PPP6C: variants seen among roughly 807,000 people sequenced by gnomAD.
PPP6C encodes protein phosphatase 6 catalytic subunit, also known as serine/threonine-protein phosphatase 6 catalytic subunit.
PPP6C carries 11 observed loss-of-function variants against 39.8 expected under a neutral mutation model. The ratio of observed to expected loss-of-function variants is 0.28; its 90% CI spans 0.17 to 0.46. PPP6C has a LOEUF of 0.46. PPP6C is among the 20% of genes least tolerant of loss of function. The pLI, the probability that PPP6C is intolerant of heterozygous loss-of-function variation, is 1.00. For synonymous variants in PPP6C, 129 were observed against 130.3 expected, an observed-to-expected ratio of 0.99 and a Z score of 0.07; for missense variants, 211 against 373.9, an observed-to-expected ratio of 0.56 and a Z score of 3.59.
intron 2 of PPP6C, among the ~76,000 whole-genome samples, chr9:125,168,604 G>A (rs1416466219): frequency 4.7e-5 from 7 of 150,204 alleles, no homozygotes; most frequent in Non-Finnish European, 7.4e-5. Flanking sequence ...GATTACAGGC[G>A]CCTGTCACCA....
chr9:125,167,397 AAAGAAAT>A (rs1407224989), intron 2 of PPP6C, among the ~76,000 whole-genome samples: 38 of 129,506 alleles, frequency 2.9e-4, no homozygotes, highest in African/African-American at 4.7e-4. Flanking sequence ...AAAAAAAAAA[AAAGAAAT>A]AAAAAAAAGG....
chr9:125,172,037 G>C (rs1422826345), intron 1 of PPP6C: 1 of 450,860 alleles, frequency 2.2e-6, no homozygotes, highest in Non-Finnish European at 4.5e-6. Context: ...ATGAGTGAAT[G>C]GTTAAACACA....
At chr9:125,152,034 A>G (rs1319479012) in intron 6 of PPP6C, among the ~76,000 whole-genome samples, 1 of 152,088 alleles carries the variant, frequency 6.6e-6, no homozygotes, top group African/African-American at 2.4e-5. Context: ...AGCCCTGGGC[A>G]ACCCCAAACC....
chr9:125,166,535 CT>C lies in PPP6C; in HGVS notation c.171+4549del, dbSNP rs1169190980. Among the ~76,000 whole-genome samples, 582 of 134,400 alleles carry C rather than the reference CT, an allele frequency of 4.3e-3. 4 individuals carry two copies. Among genetic ancestry groups the C allele is most frequent in the African/African-American group, 0.011 (385 of 36,040 alleles). The allele number at this position is 134,400 out of a possible 152,430, so 88.2% of individuals were successfully genotyped here. On this transcript the variant is annotated intron_variant, in intron 2 of 6. Transcript: ENST00000373547. ...GAATTTCACAAGTATTTTTCTTTTT[CT>C]TTTTTTTTTTTTTTTTAGCAGAGTC...
intron 1 of PPP6C, among the ~76,000 whole-genome samples, chr9:125,176,664 C>G (rs1829304246): frequency 6.6e-6 from 1 of 151,926 alleles, no homozygotes; most frequent in African/African-American, 2.4e-5. Flanking sequence ...CTCAAAATAA[C>G]AAGAAAAGAG....
At chr9:125,165,467 T>C (rs1828991421) in intron 2 of PPP6C, among the ~76,000 whole-genome samples, 1 of 152,170 alleles carries the variant, frequency 6.6e-6, no homozygotes. Flanking sequence ...AAATTAACTT[T>C]TCCAAAACAA....
chr9:125,170,637 T>C lies in PPP6C; in HGVS notation c.171+448A>G, dbSNP rs79626063. On this transcript the variant is annotated intron_variant, in intron 2 of 6. Coordinates refer to ENST00000373547, the MANE Select transcript of PPP6C (RefSeq NM_002721.5). ...TTGCTGTGACATCATGGACCAACAATTTTATTTTTCTGTACCTTTGCTATT... is the reference window on the plus strand; with the variant it reads ...TTGCTGTGACATCATGGACCAACAACTTTATTTTTCTGTACCTTTGCTATT... Among the ~76,000 whole-genome samples the C allele has an allele frequency of 0.018, 2,805 of 152,268 alleles. 161 individuals are homozygous for C. In the East Asian group the frequency reaches 0.23, roughly 12 times the overall value.
At chr9:125,187,684 A>C (rs2131347692) in intron 1 of PPP6C, among the ~76,000 whole-genome samples, 1 of 152,106 alleles carries the variant, frequency 6.6e-6, no homozygotes, top group African/African-American at 2.4e-5. Flanking sequence ...ACTGACATGC[A>C]ATAGTCAACC....
At chr9:125,151,027 C>T (rs1013063247) in intron 6 of PPP6C, 1 of 1,371,640 alleles carries the variant, frequency 7.3e-7, no homozygotes, top group African/African-American at 1.4e-5. Flanking sequence ...CACCATGGAC[C>T]TACATGCTTC....
chr9:125,150,519 C>T (rs9644948), intron 6 of PPP6C: 7,588 of 445,914 alleles, frequency 0.017, 390 homozygotes, highest in Admixed American at 0.11. Context: ...GTTCAAAGTA[C>T]TGCCTATCTT....
intron 3 of PPP6C, among the ~76,000 whole-genome samples, chr9:125,159,036 G>GTAT (rs1828782888): frequency 8.5e-6 from 1 of 117,984 alleles, no homozygotes; most frequent in African/African-American, 3.1e-5. Flanking sequence ...TATTTTTTAA[G>GTAT]TTTTTTTTTT....
intron 1 of PPP6C, among the ~76,000 whole-genome samples, chr9:125,182,615 G>A (rs535938561): frequency 9.2e-5 from 14 of 151,776 alleles, no homozygotes; most frequent in African/African-American, 1.7e-4. Context: ...ATATTCACAC[G>A]CTTATGATCC....
intron 1 of PPP6C, 63 bp downstream of exon 1, chr9:125,189,581 A>G (rs1829617481): frequency 4.4e-6 from 7 of 1,607,212 alleles, no homozygotes; most frequent in Admixed American, 3.4e-5. Flanking sequence ...GTCCTGGAGA[A>G]AGGAAGGGCC....
At chr9:125,184,622 C>T (rs10986620) in intron 1 of PPP6C, among the ~76,000 whole-genome samples, 2,285 of 151,506 alleles carry the variant, frequency 0.015, 104 homozygotes, top group Admixed American at 0.082. Context: ...CAGTTTGAGT[C>T]AATAAACCTT....
chr9:125,149,539 A>T lies in PPP6C; in HGVS notation c.*134T>A. 1.8e-6 allele frequency: 2 copies of T among 1,114,006 alleles called. No homozygotes were observed. Among genetic ancestry groups the T allele is most frequent in the South Asian group, 3.9e-5 (2 of 51,748 alleles). 69.0% of individuals were successfully genotyped at this position (1,114,006 alleles called of 1,614,324 possible). ...AAACAATAAATTTAGATAATTTAAA[A>T]TTTAAAAAAAAAAAGGCAAGAGGCA... On this transcript the variant is annotated 3_prime_UTR_variant, in exon 7 of 7. Coordinates refer to ENST00000373547, the MANE Select transcript of PPP6C (RefSeq NM_002721.5).
intron 3 of PPP6C, among the ~76,000 whole-genome samples, chr9:125,159,302 G>A (rs191734568): frequency 3.3e-5 from 5 of 151,338 alleles, no homozygotes; most frequent in Admixed American, 2.6e-4. Flanking sequence ...ACCTGCCTCG[G>A]CCTCCCAAAG....
At chr9:125,189,472 A>C in intron 1 of PPP6C, 172 bp downstream of exon 1, 1 of 1,442,062 alleles carries the variant, frequency 6.9e-7, no homozygotes, top group Non-Finnish European at 9.1e-7. Context: ...GCATTCGACG[A>C]CTCGGCTCGC....
chr9:125,172,732 CACACACACACACACACACAA>C (rs1222983092), intron 1 of PPP6C, among the ~76,000 whole-genome samples: 3 of 143,756 alleles, frequency 2.1e-5, no homozygotes, highest in African/African-American at 8.7e-5. Flanking sequence ...CACACACACA[CACACACACACACACACACAA>C]ACACACACAC....
intron 4 of PPP6C, among the ~76,000 whole-genome samples, chr9:125,157,696 G>T (rs199901320): frequency 6.1e-4 from 86 of 140,020 alleles, no homozygotes; most frequent in African/African-American, 1.2e-3. Context: ...TTTTTTTTTG[G>T]TTTTTTTTTT....
Sources: gnomAD v4.1 joint callset for allele counts (sites outside exome capture counted in the v4.1 genomes callset) on GRCh38, gnomAD v4.1.1 for gene constraint, MANE v1.5 for transcripts, NCBI Gene and HGNC (gene_info 2026-07-23, HGNC 2026-07-21) for gene names.